SNAP23: variants seen among roughly 807,000 people sequenced by gnomAD.
The protein encoded by SNAP23 is synaptosomal-associated protein 23.
SNAP23 carries 11 observed loss-of-function variants against 29.0 expected under a neutral mutation model. The ratio of observed to expected loss-of-function variants is 0.38; its 90% CI spans 0.24 to 0.63. The LOEUF is 0.63. SNAP23 is among the 20% of genes least tolerant of loss of function. SNAP23 has a pLI of 0.58. For missense variants in SNAP23, 220 were observed against 253.9 expected, an observed-to-expected ratio of 0.87 and a Z score of 0.91; for synonymous variants, 60 against 82.9, an observed-to-expected ratio of 0.72 and a Z score of 1.50.
chr15:42,527,943 A>G, intron 5 of SNAP23: 1 of 248,914 alleles, frequency 4.0e-6, no homozygotes, highest in Non-Finnish European at 7.9e-6. Flanking sequence ...AGAGAAAAGC[A>G]AAACGATAGT....
At chr15:42,512,183 AT>A (rs1201859449) in intron 2 of SNAP23, 3 of 199,036 alleles carry the variant, frequency 1.5e-5, no homozygotes, top group African/African-American at 4.6e-5. Context: ...CTAGACTTCT[AT>A]TTAACAATTT....
chr15:42,491,885 A>C (rs911907439), upstream of SNAP23, among the ~76,000 whole-genome samples: 1 of 111,942 alleles, frequency 8.9e-6, no homozygotes, highest in Non-Finnish European at 2.0e-5. Context: ...CCCAGCCTAC[A>C]TTTATTATTT....
rs561097764 is a variant in SNAP23 at position 42,523,464 on chromosome 15, T to A, written c.267-4798T>A. Among the ~76,000 whole-genome samples the A allele has an allele frequency of 5.9e-5, 9 of 152,326 alleles. No individual in the cohort carries two copies. In the South Asian group the frequency reaches 1.7e-3, roughly 28 times the overall value. On this transcript the variant is annotated intron_variant, in intron 5 of 7. Transcript: ENST00000249647. ...CCAACTACATTCATGTACCTGTAGA[T>A]CTCAAAGCCAAGAAATGGTAATGGA...
intron 5 of SNAP23, 105 bp downstream of exon 5, chr15:42,515,459 T>C: frequency 3.0e-6 from 2 of 675,344 alleles, no homozygotes; most frequent in South Asian, 1.9e-5. Flanking sequence ...AGGAACTCTA[T>C]TAGATAAATC....
intron 5 of SNAP23, among the ~76,000 whole-genome samples, chr15:42,525,369 A>G (rs897451599): frequency 3.5e-5 from 5 of 142,122 alleles, no homozygotes; most frequent in Non-Finnish European, 6.3e-5. Context: ...CTCCGTCTCA[A>G]AAAAAAAAAA....
At chr15:42,514,061 C>T (rs1401211767) in intron 4 of SNAP23, among the ~76,000 whole-genome samples, 3 of 151,494 alleles carry the variant, frequency 2.0e-5, no homozygotes, top group Admixed American at 6.6e-5. Context: ...GTGATCCACC[C>T]GCCTTGACCT....
chr15:42,509,375 C>T (rs979010376), intron 1 of SNAP23, among the ~76,000 whole-genome samples: 1 of 151,246 alleles, frequency 6.6e-6, no homozygotes, highest in African/African-American at 2.4e-5. Flanking sequence ...AAGATAGAAA[C>T]TTAAATTTGG....
chr15:42,505,933 C>CT (rs928159080), intron 1 of SNAP23, among the ~76,000 whole-genome samples: 15 of 149,388 alleles, frequency 1.0e-4, no homozygotes, highest in South Asian at 2.1e-4. Context: ...CTTTTCTTTT[C>CT]TTTTTTTTTC....
chr15:42,501,484 C>G (rs1486003439), intron 1 of SNAP23, among the ~76,000 whole-genome samples: 2 of 152,144 alleles, frequency 1.3e-5, no homozygotes, highest in African/African-American at 2.4e-5. Flanking sequence ...GCTGCAGCCT[C>G]AAACTGCTGA....
chr15:42,523,089 A>G (rs894455196), intron 5 of SNAP23, among the ~76,000 whole-genome samples: 1 of 149,544 alleles, frequency 6.7e-6, no homozygotes, highest in Non-Finnish European at 1.5e-5. Flanking sequence ...CAAGTAATTC[A>G]CCCGCCTTGG....
chr15:42,496,163 C>A (rs1011250803), intron 1 of SNAP23, among the ~76,000 whole-genome samples: 8 of 152,060 alleles, frequency 5.3e-5, no homozygotes, highest in Non-Finnish European at 8.8e-5. Flanking sequence ...ATTAGAGGAT[C>A]AGGAAAAGAA....
chr15:42,521,424 T>G (rs943491863), intron 5 of SNAP23: 7 of 976,258 alleles, frequency 7.2e-6, no homozygotes, highest in Non-Finnish European at 8.5e-6. Flanking sequence ...TTTAAATAGT[T>G]TTCTTATTTT....
upstream of SNAP23, among the ~76,000 whole-genome samples, chr15:42,494,386 C>G (rs190899406): frequency 9.5e-3 from 1,420 of 148,882 alleles, 30 homozygotes; most frequent in African/African-American, 0.034. Flanking sequence ...CTACTTACTC[C>G]TTGAAGCACT....
chr15:42,528,138 C>G, intron 5 of SNAP23, 124 bp from the exon 6 acceptor site: 5 of 576,042 alleles, frequency 8.7e-6, no homozygotes, highest in South Asian at 6.1e-5. Context: ...ATCATCTAGA[C>G]TTAGCTGTAT....
intron 5 of SNAP23, chr15:42,528,050 T>C: frequency 2.1e-6 from 1 of 472,386 alleles, no homozygotes; most frequent in Non-Finnish European, 3.8e-6. Context: ...TTGGACCTTT[T>C]TAAAATTTTT....
intron 1 of SNAP23, among the ~76,000 whole-genome samples, chr15:42,502,315 C>T (rs1218357541): frequency 1.3e-5 from 2 of 152,270 alleles, no homozygotes; most frequent in South Asian, 2.1e-4. Context: ...TGAGCCACTG[C>T]GCCCGGCAGA....
At chr15:42,495,219 G>A (rs2057206542), upstream of SNAP23, 1 of 152,176 alleles carries the variant, frequency 6.6e-6, no homozygotes, top group African/African-American at 2.4e-5. Flanking sequence ...AACCCTTCCA[G>A]ACACCCCTAA....
Position 42,529,660 on chromosome 15 carries a change from G to C in SNAP23, c.426-15G>C, listed in dbSNP as rs749975482. 13 of 1,610,508 alleles carry C rather than the reference G, an allele frequency of 8.1e-6. No homozygotes were observed. Among genetic ancestry groups the C allele is most frequent in the Middle Eastern group, 1.7e-4 (1 of 6,056 alleles). On this transcript the variant is annotated splice_polypyrimidine_tract_variant and intron_variant, in intron 6 of 7. Transcript: ENST00000249647. ...TTCAACAAAACCTATGGAATTAACTGTCTTCTTGTGATAGCATAACTAATG... is the reference window on the plus strand; with the variant it reads ...TTCAACAAAACCTATGGAATTAACTCTCTTCTTGTGATAGCATAACTAATG...
intron 1 of SNAP23, among the ~76,000 whole-genome samples, chr15:42,501,050 T>C (rs779897288): frequency 7.9e-5 from 12 of 152,188 alleles, no homozygotes; most frequent in South Asian, 2.1e-4. Flanking sequence ...TCAATACTTA[T>C]AAAACTCAAG....
Sources: allele counts gnomAD v4.1 joint callset (sites outside exome capture counted in the v4.1 genomes callset), GRCh38; gene constraint gnomAD v4.1.1; transcripts MANE v1.5; gene names NCBI Gene and HGNC (gene_info 2026-07-23, HGNC 2026-07-21).